The following RASEF variants were observed in gnomAD, a reference collection of about 807,000 sequenced individuals.
The protein encoded by RASEF is ras and EF-hand domain-containing protein.
Under a neutral mutation model 90.1 loss-of-function variants are expected in RASEF, and 68 were observed. The ratio of observed to expected loss-of-function variants is 0.75; its 90% CI spans 0.62 to 0.92. The LOEUF (loss-of-function observed/expected upper bound fraction) is 0.92. Among genes scored for constraint, RASEF ranks in the 40% least tolerant of loss-of-function variants. The pLI, the probability that RASEF is intolerant of heterozygous loss-of-function variation, is 0.00. For synonymous variants in RASEF, 331 were observed against 345.2 expected (o/e 0.96, Z 0.46); for missense variants, 949 against 937.2 (o/e 1.01, Z -0.16).
chr9:83,144,176 G>T, the RASEF span, among the ~76,000 whole-genome samples: 1 of 151,598 alleles, frequency 6.6e-6, no homozygotes, highest in Non-Finnish European at 1.5e-5. Flanking sequence ...AGTAAGGATG[G>T]GGACAGGGGA....
chr9:83,001,031 G>C lies in RASEF; in HGVS notation c.1302C>G (p.Ser434Arg). ...TNCEVDSLPESCFDSGLSTLR... is the reference protein window; with the variant it reads ...TNCEVDSLPERCFDSGLSTLR... The stretch of plus-strand genomic sequence containing the variant: ...AGGTAGACAAGCCGCTGTCGAAGCA[G>C]CTTTCAGGCAGGCTGTCAACTTCAC... Residue 434 changes from serine (S) to arginine (R), a missense_variant, in exon 10 of 17, where the codon AGC (serine) becomes AGG (arginine). Physicochemically the swap from Ser to Arg is moderately radical, Grantham distance 110 (BLOSUM62 -1). Transcript: ENST00000376447. 1 of 1,614,192 alleles carries C rather than the reference G, an allele frequency of 6.2e-7. No individual in the cohort carries two copies. Among genetic ancestry groups the C allele is most frequent in the Non-Finnish European group, 8.5e-7 (1 of 1,180,030 alleles).
Position 83,000,976 on chromosome 9 carries a change from C to A in RASEF, c.1357G>T (p.Val453Leu). 1 of 1,614,154 alleles carries A rather than the reference C, an allele frequency of 6.2e-7. No individual in the cohort carries two copies. The highest frequency in any genetic ancestry group is 8.5e-7 in the Non-Finnish European group (1 of 1,180,038). ...AATCCCCTCTGGTGCTTGTATTCCA[C>A]TTCTGAGTCATACTCATTGGGATCT... ...LRDPNEYDSE[V>L]EYKHQRGFQR... Residue 453 changes from valine to leucine, a missense_variant, in exon 10 of 17, where the codon GTG becomes TTG. Physicochemically the swap from Val to Leu is conservative, Grantham distance 32 (BLOSUM62 1). Coordinates refer to ENST00000376447, the MANE Select transcript of RASEF (RefSeq NM_152573.4).
rs201620332 is a variant in RASEF at position 82,982,809 on chromosome 9, G to C, written c.2118-27C>G. ...TGAGACAGAGATAGAGAGAGACAGA[G>C]AGAGAGAGAGAGAGAGAGAGAGAGG... On this transcript the variant is annotated intron_variant, in intron 16 of 16. Transcript: ENST00000376447. 5 of 151,874 alleles carry C rather than the reference G, an allele frequency of 3.3e-5. No individual in the cohort carries two copies. Among genetic ancestry groups the C allele is most frequent in the Non-Finnish European group, 5.3e-5 (5 of 94,080 alleles). The allele number at this position is 151,874 out of a possible 1,614,324, so 9.4% of individuals were successfully genotyped here. A position where few individuals can be genotyped will look rare whatever the true frequency, so the allele number is the denominator to read the frequency against.
At position 83,062,608 on chromosome 9, in the gene RASEF, T is replaced by C; in HGVS notation, c.260A>G (p.Asp87Gly). 6.4e-7 allele frequency: 1 copy of C among 1,563,724 alleles called. No individual in the cohort carries two copies. The highest frequency in any genetic ancestry group is 8.6e-7 in the Non-Finnish European group (1 of 1,158,636). The change falls in exon 1 of 17, where the codon GAT becomes GGT. Residue 87 changes from aspartate to glycine, a missense_variant. By Grantham distance (94) the Asp-to-Gly change is moderately conservative. Coordinates refer to ENST00000376447, the MANE Select transcript of RASEF (RefSeq NM_152573.4). ...CGCCTCAGACACGGCGGGCGCGGGA[T>C]CCAGAGGACCCCAGTCCCGGCGCCG... ...GGRRRDWGPL[D>G]PAPAVSEAGP... is the part of the protein sequence containing the mutation.
the RASEF span, among the ~76,000 whole-genome samples, chr9:83,204,033 T>C: frequency 1.3e-5 from 2 of 152,108 alleles, no homozygotes; most frequent in Non-Finnish European, 2.9e-5. Context: ...ATCTGATTGC[T>C]TAAGGGGGAC....
chr9:83,015,055 G>A (rs1829318646), intron 4 of RASEF, among the ~76,000 whole-genome samples: 1 of 152,138 alleles, frequency 6.6e-6, no homozygotes, highest in South Asian at 2.1e-4. Context: ...AAAAACTAGT[G>A]ACTCTTGGTG....
At chr9:83,109,346 C>T in the RASEF span, among the ~76,000 whole-genome samples, 1 of 152,108 alleles carries the variant, frequency 6.6e-6, no homozygotes, top group Non-Finnish European at 1.5e-5. Flanking sequence ...CAGAAAAAGA[C>T]AATTATTTGT....
At chr9:83,098,776 T>C in the RASEF span, among the ~76,000 whole-genome samples, 1 of 152,108 alleles carries the variant, frequency 6.6e-6, no homozygotes, top group African/African-American at 2.4e-5. Flanking sequence ...TATAAAACTA[T>C]CAGATCTTGT....
intron 3 of RASEF, among the ~76,000 whole-genome samples, chr9:83,016,925 A>ATAAAT (rs1479872253): frequency 3.9e-5 from 6 of 152,332 alleles, no homozygotes; most frequent in Non-Finnish European, 8.8e-5. Context: ...ATTAATCCAT[A>ATAAAT]TAAATTAAAT....
At chr9:83,134,752 T>G in the RASEF span, among the ~76,000 whole-genome samples, 1 of 152,094 alleles carries the variant, frequency 6.6e-6, no homozygotes, top group Non-Finnish European at 1.5e-5. Context: ...ATTCCACTTC[T>G]AAGGGTACAC....
chr9:83,189,886 T>C, the RASEF span, among the ~76,000 whole-genome samples: 1,431 of 152,320 alleles, frequency 9.4e-3, 18 homozygotes, highest in African/African-American at 0.032. Flanking sequence ...GTGGAGTCTT[T>C]CAAAAAATAT....
At chr9:83,093,704 C>A in the RASEF span, among the ~76,000 whole-genome samples, 2 of 152,190 alleles carry the variant, frequency 1.3e-5, no homozygotes, top group Non-Finnish European at 2.9e-5. Context: ...CACCTCCCTG[C>A]AAGCTGAGGG....
the RASEF span, among the ~76,000 whole-genome samples, chr9:83,202,926 T>C: frequency 7.9e-5 from 12 of 152,330 alleles, no homozygotes; most frequent in East Asian, 2.3e-3. Flanking sequence ...ATAATATATA[T>C]AATTTTTACT....
At chr9:83,162,074 G>C in the RASEF span, among the ~76,000 whole-genome samples, 1 of 152,016 alleles carries the variant, frequency 6.6e-6, no homozygotes, top group Non-Finnish European at 1.5e-5. Context: ...TATTATGGCT[G>C]CTATACATAC....
the RASEF span, among the ~76,000 whole-genome samples, chr9:83,134,109 A>G: frequency 1.3e-5 from 2 of 152,138 alleles, no homozygotes; most frequent in Admixed American, 1.3e-4. Flanking sequence ...CAATACTAAC[A>G]TACATAGGTA....
At chr9:83,189,923 G>A in the RASEF span, among the ~76,000 whole-genome samples, 3 of 152,120 alleles carry the variant, frequency 2.0e-5, no homozygotes, top group Non-Finnish European at 4.4e-5. Flanking sequence ...CCAATACAAC[G>A]TTTAAAACTT....
chr9:83,006,507 T>C (rs1390732280), intron 7 of RASEF, among the ~76,000 whole-genome samples: 1 of 147,354 alleles, frequency 6.8e-6, no homozygotes, highest in Non-Finnish European at 1.5e-5. Flanking sequence ...TCAAAAATGG[T>C]GAAAAAAAAA....
chr9:83,047,282 G>T (rs1377870802), intron 1 of RASEF, among the ~76,000 whole-genome samples: 1 of 151,862 alleles, frequency 6.6e-6, no homozygotes, highest in East Asian at 1.9e-4. Flanking sequence ...AACAAAAAAA[G>T]AAAAAACGAA....
the RASEF span, among the ~76,000 whole-genome samples, chr9:83,163,655 G>A: frequency 6.6e-6 from 1 of 152,222 alleles, no homozygotes; most frequent in South Asian, 2.1e-4. Context: ...CTCAATCAAT[G>A]CTTCCAAAAC....
Sources: allele counts gnomAD v4.1 joint callset (sites outside exome capture counted in the v4.1 genomes callset), GRCh38; gene constraint gnomAD v4.1.1; transcripts MANE v1.5; gene names NCBI Gene and HGNC (gene_info 2026-07-23, HGNC 2026-07-21).